Variants in USP6NL observed in about 807,000 individuals in gnomAD.
The protein encoded by USP6NL is USP6 N-terminal-like protein.
USP6NL carries 26 observed loss-of-function variants against 61.9 expected under a neutral mutation model. The observed-to-expected ratio is 0.42, with a 90% CI of 0.31 to 0.58. The LOEUF (loss-of-function observed/expected upper bound fraction) is 0.58. Among genes scored for constraint, USP6NL ranks in the 20% least tolerant of loss-of-function variants. USP6NL has a pLI of 0.16. For synonymous variants in USP6NL, 432 were observed against 390.1 expected (o/e 1.11, Z -1.27); for missense variants, 1,114 against 1,034.3 (o/e 1.08, Z -1.06).
Position 11,528,662 on chromosome 10 carries a change from T to G in USP6NL, c.5-1095A>C, listed in dbSNP as rs761906958. 4.6e-5 allele frequency among the ~76,000 whole-genome samples: 7 copies of G among 152,202 alleles called. No homozygotes were observed. Among genetic ancestry groups the G allele is most frequent in the African/African-American group, 9.7e-5 (4 of 41,448 alleles). On this transcript the variant is annotated intron_variant, in intron 2 of 14. Transcript: ENST00000609104. The surrounding 1 kb of genome is among the most constrained non-coding windows in gnomAD (Gnocchi z 4.6). ...TTTAATTACTATTTTATAAAAATGA[T>G]GACTAAAGACATGAAAAAGGACTTC... is the stretch of plus-strand genomic sequence containing the variant.
At chr10:11,565,794 A>G (rs1213646457) in intron 2 of USP6NL, among the ~76,000 whole-genome samples, 1 of 152,202 alleles carries the variant, frequency 6.6e-6, no homozygotes, top group Non-Finnish European at 1.5e-5. Context: ...GAGGCTGGTT[A>G]AGGAGGAGTA....
chr10:11,606,979 G>C (rs1222642865), intron 1 of USP6NL, among the ~76,000 whole-genome samples: 2 of 151,980 alleles, frequency 1.3e-5, no homozygotes, highest in Non-Finnish European at 2.9e-5. Context: ...TGGTAGAGAT[G>C]GAGTTTCACC....
intron 1 of USP6NL, among the ~76,000 whole-genome samples, chr10:11,606,431 T>G (rs1483836371): frequency 1.3e-5 from 2 of 152,192 alleles, no homozygotes; most frequent in African/African-American, 4.8e-5. Flanking sequence ...TGAAATGCAG[T>G]TAAGTCTAAT....
At chr10:11,557,472 T>G (rs1485986284) in intron 2 of USP6NL, among the ~76,000 whole-genome samples, 1 of 152,214 alleles carries the variant, frequency 6.6e-6, no homozygotes, top group East Asian at 1.9e-4. Flanking sequence ...CAGAAAGCAG[T>G]GTGAATAACA....
At chr10:11,580,720 G>T (rs1404203655) in intron 2 of USP6NL, among the ~76,000 whole-genome samples, 4 of 152,144 alleles carry the variant, frequency 2.6e-5, no homozygotes, top group African/African-American at 4.8e-5. Flanking sequence ...TTCAGCCATG[G>T]TTCAGAACCA....
intron 1 of USP6NL, among the ~76,000 whole-genome samples, chr10:11,603,841 A>T (rs1838628656): frequency 6.6e-6 from 1 of 152,222 alleles, no homozygotes; most frequent in African/African-American, 2.4e-5. Context: ...ACTGAGTGAA[A>T]ATCGGAAAAC....
Position 11,461,074 on chromosome 10 carries a change from G to A in USP6NL, c.*1367C>T, listed in dbSNP as rs1482031025. 1 of 152,304 alleles carries A rather than the reference G, an allele frequency of 6.6e-6. No individual in the cohort carries two copies. The highest frequency in any genetic ancestry group is 1.9e-4 in the East Asian group (1 of 5,194). 9.4% of individuals were successfully genotyped at this position (152,304 alleles called of 1,614,324 possible). A position where few individuals can be genotyped will look rare whatever the true frequency, so the allele number is the denominator to read the frequency against. ...AGTTTAAAGCCCCACCTTGCAACAG[G>A]AAGAAACATCAATGTCGGGTTTTCT... On this transcript the variant is annotated 3_prime_UTR_variant, in exon 15 of 15. Transcript: ENST00000609104.
In USP6NL at chr10:11,463,078, G is replaced by A. The variant is rs1327850800; in HGVS notation, c.1850C>T (p.Ser617Phe). ...CCCTCGGGCTTCCCCATCTAGCTGG[G>A]ACGGATATCGTGCATGACTTGGAGG... Reference protein sequence around the residue: ...VQPPSHARYPSQLDGEARGLA... With the variant: ...VQPPSHARYPFQLDGEARGLA... Residue 617 changes from serine (S) to phenylalanine (F), a missense_variant, in exon 15 of 15, where the codon TCC becomes TTC. Transcript: ENST00000609104. This position sits in a 1 kb window ranked among gnomAD's most constrained non-coding sequence, Gnocchi z 6.3. 3.1e-6 allele frequency: 5 copies of A among 1,613,930 alleles called. No homozygotes were observed. Among genetic ancestry groups the A allele is most frequent in the African/African-American group, 1.3e-5 (1 of 74,930 alleles).
Position 11,485,157 on chromosome 10 carries a change from A to G in USP6NL, c.825+12T>C. On this transcript the variant is annotated intron_variant, in intron 12 of 14. Coordinates refer to ENST00000609104, the MANE Select transcript of USP6NL (RefSeq NM_014688.5). The surrounding 1 kb of genome is among the most constrained non-coding windows in gnomAD (Gnocchi z 4.8). ...ATAATTTTATGACTGAGTTTTGTAA[A>G]TAAATACTTACACGATCAAGGAAAC... 2 of 1,540,342 alleles carry G rather than the reference A, an allele frequency of 1.3e-6. No individual in the cohort carries two copies.
intron 6 of USP6NL, among the ~76,000 whole-genome samples, chr10:11,501,804 C>T (rs1566140001): frequency 6.6e-6 from 1 of 152,172 alleles, no homozygotes; most frequent in Non-Finnish European, 1.5e-5. Context: ...CCTCCCCTGC[C>T]CTTTCTCCTT....
chr10:11,479,512 C>T (rs1185164231), intron 14 of USP6NL, among the ~76,000 whole-genome samples: 1 of 151,230 alleles, frequency 6.6e-6, no homozygotes, highest in Non-Finnish European at 1.5e-5. Context: ...CGGGGGAGTT[C>T]ACACTGCCAC....
rs1448244743 is a variant in USP6NL at position 11,537,187 on chromosome 10, T to G, written c.5-9620A>C. Among the ~76,000 whole-genome samples the G allele has an allele frequency of 1.3e-5, 2 of 151,632 alleles. No individual in the cohort carries two copies. ...GTGCAGTGGCACGATCACAGTTCAC[T>G]GCAGCGTCAATCTCCCAGGTGATCC... On this transcript the variant is annotated intron_variant, in intron 2 of 14. Coordinates refer to ENST00000609104, the MANE Select transcript of USP6NL (RefSeq NM_014688.5). The surrounding 1 kb of genome is among the most constrained non-coding windows in gnomAD (Gnocchi z 5.1).
chr10:11,604,028 G>C (rs1838635774), intron 1 of USP6NL, among the ~76,000 whole-genome samples: 1 of 152,154 alleles, frequency 6.6e-6, no homozygotes, highest in African/African-American at 2.4e-5. Context: ...ACCAGCTCTA[G>C]GAATTCAGAC....
At position 11,520,525 on chromosome 10, in the gene USP6NL, A is replaced by G. The variant is rs149566269; in HGVS notation, c.156-1951T>C. Among the ~76,000 whole-genome samples, 835 of 152,346 alleles carry G rather than the reference A, an allele frequency of 5.5e-3. 7 individuals are homozygous for G. Among genetic ancestry groups the G allele is most frequent in the Middle Eastern group, 0.02 (6 of 294 alleles). On this transcript the variant is annotated intron_variant, in intron 4 of 14. Transcript: ENST00000609104. This position sits in a 1 kb window ranked among gnomAD's most constrained non-coding sequence, Gnocchi z 5.2. Reference sequence around the variant, plus strand: ...GTTGGCATGCTGGAAGAGCTCAGTAAACGGTGCTGAATGAAGATATGAACA... The same window carrying G: ...GTTGGCATGCTGGAAGAGCTCAGTAGACGGTGCTGAATGAAGATATGAACA...
At position 11,485,772 on chromosome 10, in the gene USP6NL, TG is replaced by T. The variant is rs753953342; in HGVS notation, c.759+44del. 11 of 1,292,828 alleles carry T rather than the reference TG, an allele frequency of 8.5e-6. No homozygotes were observed. The highest frequency in any genetic ancestry group is 6.0e-5 in the African/African-American group (4 of 66,278). 80.1% of individuals were successfully genotyped at this position (1,292,828 alleles called of 1,614,324 possible). The stretch of plus-strand genomic sequence containing the variant: ...ACAATTTAATTATCCCAGCTTTTTT[TG>T]GGGGGTGGGTAGGTGGGTGTAAGTC... On this transcript the variant is annotated intron_variant, in intron 11 of 14. Transcript: ENST00000609104. This position sits in a 1 kb window ranked among gnomAD's most constrained non-coding sequence, Gnocchi z 4.8.
chr10:11,568,867 T>C (rs1837262173), intron 2 of USP6NL, among the ~76,000 whole-genome samples: 3 of 152,208 alleles, frequency 2.0e-5, no homozygotes, highest in Admixed American at 6.5e-5. Flanking sequence ...GTAAAACCTT[T>C]CCAGAAATCC....
intron 2 of USP6NL, among the ~76,000 whole-genome samples, chr10:11,535,597 A>G (rs926848696): frequency 8.5e-5 from 13 of 152,342 alleles, no homozygotes; most frequent in East Asian, 7.7e-4. Flanking sequence ...AAGAGACTGA[A>G]TAGCCCACCC....
At chr10:11,576,713 A>G (rs1395532253) in intron 2 of USP6NL, among the ~76,000 whole-genome samples, 3 of 152,230 alleles carry the variant, frequency 2.0e-5, no homozygotes, top group Admixed American at 1.3e-4. Flanking sequence ...CCCAAACAGA[A>G]TAACACAAGG....
At chr10:11,606,521 G>C (rs1043385676) in intron 1 of USP6NL, among the ~76,000 whole-genome samples, 4 of 152,076 alleles carry the variant, frequency 2.6e-5, no homozygotes, top group African/African-American at 9.7e-5. Context: ...AGGCAATAAT[G>C]AAATAAGAAA....
Sources: gnomAD v4.1 joint callset for allele counts (sites outside exome capture counted in the v4.1 genomes callset) on GRCh38, gnomAD v4.1.1 for gene constraint, Gnocchi (gnomAD v3.1) non-coding constraint, MANE v1.5 for transcripts, NCBI Gene and HGNC (gene_info 2026-07-23, HGNC 2026-07-21) for gene names.